The following CLCA1 variants were observed in gnomAD, a reference collection of about 807,000 sequenced individuals.
The protein encoded by CLCA1 is chloride channel accessory 1, also known as calcium-activated chloride channel regulator 1.
Under a neutral mutation model 85.6 loss-of-function variants are expected in CLCA1, and 59 were observed. The observed-to-expected ratio is 0.69, with a 90% CI of 0.56 to 0.86. CLCA1 has a LOEUF of 0.86. CLCA1 is among the 40% of genes least tolerant of loss of function. CLCA1 has a pLI of 0.00. For missense variants in CLCA1, 1,022 were observed against 1,101.4 expected (o/e 0.93, Z 1.02); for synonymous variants, 396 against 398.3 (o/e 0.99, Z 0.07).
At chr1:86,490,454 A>G (rs1448961252) in intron 8 of CLCA1, among the ~76,000 whole-genome samples, 1 of 152,196 alleles carries the variant, frequency 6.6e-6, no homozygotes, top group East Asian at 1.9e-4. Context: ...TGTTTTTATA[A>G]TATACTATTC....
chr1:86,493,329 G>T lies in CLCA1; in HGVS notation c.1465-55G>T. On this transcript the variant is annotated intron_variant, in intron 9 of 13. Transcript: ENST00000394711. ...GGGGAGACAGGGGCAGAAGGGAAAAGATCATGTGATGGGAGCTGTATTCTC... is the reference window on the plus strand; with the variant it reads ...GGGGAGACAGGGGCAGAAGGGAAAATATCATGTGATGGGAGCTGTATTCTC... 3.6e-6 allele frequency: 5 copies of T among 1,400,908 alleles called. No homozygotes were observed. The South Asian group carries it at 5.8e-5, about 16-fold the overall frequency. 86.8% of individuals were successfully genotyped at this position (1,400,908 alleles called of 1,614,324 possible).
Position 86,473,433 on chromosome 1 carries a change from C to T in CLCA1, c.179C>T (p.Ala60Val), listed in dbSNP as rs1393276972. 6.3e-7 allele frequency: 1 copy of T among 1,586,288 alleles called. No homozygotes were observed. Among genetic ancestry groups the T allele is most frequent in the Non-Finnish European group, 8.6e-7 (1 of 1,161,562 alleles). Residue 60 changes from alanine to valine, a missense_variant, in exon 2 of 14, where the codon GCA becomes GTA. By Grantham distance (64) the Ala-to-Val change is moderately conservative. Transcript: ENST00000394711. ...TCTTCCCAGGACATGGTGACCCAGG[C>T]ATCTCTGTATCTGCTTGAAGCTACA... ...IQQIKDMVTQ[A>V]SLYLLEATGK...
At chr1:86,474,994 A>G (rs1461382274) in intron 3 of CLCA1, among the ~76,000 whole-genome samples, 1 of 152,118 alleles carries the variant, frequency 6.6e-6, no homozygotes, top group Non-Finnish European at 1.5e-5. Flanking sequence ...CAAACACACT[A>G]GAGCGCTTAA....
chr1:86,472,125 C>G (rs1053025040), intron 1 of CLCA1, among the ~76,000 whole-genome samples: 2 of 151,898 alleles, frequency 1.3e-5, no homozygotes, highest in South Asian at 2.1e-4. Context: ...GCCTATTTCT[C>G]CATTCCCCTT....
intron 12 of CLCA1, 142 bp downstream of exon 12, chr1:86,495,817 T>A: frequency 1.3e-6 from 1 of 762,676 alleles, no homozygotes; most frequent in Non-Finnish European, 2.0e-6. Context: ...AGCCAGACAA[T>A]CCTTTGTTGT....
At chr1:86,474,384 C>T (rs1985554) in intron 3 of CLCA1, among the ~76,000 whole-genome samples, 2 of 152,136 alleles carry the variant, frequency 1.3e-5, no homozygotes, top group East Asian at 1.9e-4. Context: ...GAAACCCCGT[C>T]TCTACTAAAA....
chr1:86,481,570 G>T (rs1379806169), intron 4 of CLCA1, among the ~76,000 whole-genome samples: 1 of 152,056 alleles, frequency 6.6e-6, no homozygotes, highest in Non-Finnish European at 1.5e-5. Context: ...CTTCAACTTG[G>T]TAACAGTAGC....
chr1:86,491,969 G>A (rs1648144634), intron 9 of CLCA1, among the ~76,000 whole-genome samples: 1 of 43,732 alleles, frequency 2.3e-5, no homozygotes, highest in Non-Finnish European at 5.3e-5. Flanking sequence ...TGGCCCATCT[G>A]GTCTAAAATT....
intron 10 of CLCA1, 142 bp from the exon 11 acceptor site, chr1:86,494,045 A>T: frequency 1.1e-6 from 1 of 901,012 alleles, no homozygotes; most frequent in Non-Finnish European, 1.7e-6. Context: ...CCCGTGGCTG[A>T]CAGAGTATCA....
At chr1:86,491,704 C>A (rs769331862) in intron 9 of CLCA1, among the ~76,000 whole-genome samples, 1 of 152,216 alleles carries the variant, frequency 6.6e-6, no homozygotes, top group African/African-American at 2.4e-5. Flanking sequence ...CAGAGTAGAT[C>A]ATCTCAATTA....
chr1:86,471,260 T>TTAAAG (rs1647491411), intron 1 of CLCA1, among the ~76,000 whole-genome samples: 1 of 152,110 alleles, frequency 6.6e-6, no homozygotes, highest in African/African-American at 2.4e-5. Flanking sequence ...CTAAACCCAC[T>TTAAAG]TTATTTATCC....
intron 3 of CLCA1, among the ~76,000 whole-genome samples, chr1:86,474,249 T>C (rs553104940): frequency 3.2e-4 from 48 of 152,192 alleles, no homozygotes; most frequent in Non-Finnish European, 5.3e-4. Context: ...GGCGTATATG[T>C]GCAGTGCTCT....
chr1:86,498,563 T>G lies in CLCA1; in HGVS notation c.2114-9T>G, dbSNP rs1558148680. On this transcript the variant is annotated splice_polypyrimidine_tract_variant and intron_variant, in intron 12 of 13. Coordinates refer to ENST00000394711, the MANE Select transcript of CLCA1 (RefSeq NM_001285.4). ...TGCTTACCATATTTTGAGTATTTTT[T>G]TAATGCAGATGAAATACAATGGAAT... 1 of 1,609,756 alleles carries G rather than the reference T, an allele frequency of 6.2e-7. No homozygotes were observed.
intron 5 of CLCA1, 142 bp from the exon 6 acceptor site, chr1:86,485,201 G>C: frequency 3.0e-6 from 2 of 666,408 alleles, no homozygotes; most frequent in South Asian, 3.9e-5. Flanking sequence ...CATTATTACT[G>C]TGATTTTCCC....
chr1:86,479,361 G>T (rs944041399), intron 4 of CLCA1, among the ~76,000 whole-genome samples: 3 of 152,176 alleles, frequency 2.0e-5, no homozygotes, highest in African/African-American at 7.2e-5. Flanking sequence ...GGGGTTAAAA[G>T]AAAACCAAGG....
chr1:86,500,132 G>A lies in CLCA1; in HGVS notation c.*87G>A, dbSNP rs774819537. 1 of 802,770 alleles carries A rather than the reference G, an allele frequency of 1.2e-6. No individual in the cohort carries two copies. The highest frequency in any genetic ancestry group is 2.0e-6 in the Non-Finnish European group (1 of 504,102). The allele number at this position is 802,770 out of a possible 1,614,324, so 49.7% of individuals were successfully genotyped here. ...TTCTAAAATGTATTTTAGACTTCCT[G>A]TAGGGGGCGATATACTAAATGTATA... is the stretch of plus-strand genomic sequence containing the variant. On this transcript the variant is annotated 3_prime_UTR_variant, in exon 14 of 14. Transcript: ENST00000394711.
intron 5 of CLCA1, among the ~76,000 whole-genome samples, chr1:86,483,716 C>G (rs1223024485): frequency 6.6e-6 from 1 of 152,068 alleles, no homozygotes; most frequent in African/African-American, 2.4e-5. Context: ...GTTAAGGTTA[C>G]TCAAAAAATA....
At chr1:86,481,665 T>A (rs893766180) in intron 4 of CLCA1, among the ~76,000 whole-genome samples, 1 of 152,172 alleles carries the variant, frequency 6.6e-6, no homozygotes, top group African/African-American at 2.4e-5. Context: ...CATGCATGGT[T>A]ATATACTTAA....
intron 5 of CLCA1, among the ~76,000 whole-genome samples, chr1:86,483,353 T>C (rs1270176073): frequency 2.0e-5 from 3 of 152,172 alleles, no homozygotes; most frequent in Non-Finnish European, 4.4e-5. Flanking sequence ...ATAAAAACAT[T>C]ACCGAAACAC....
Sources: gnomAD v4.1 joint callset for allele counts (sites outside exome capture counted in the v4.1 genomes callset) on GRCh38, gnomAD v4.1.1 for gene constraint, MANE v1.5 for transcripts, NCBI Gene and HGNC (gene_info 2026-07-23, HGNC 2026-07-21) for gene names.